MTPN: variants seen among roughly 807,000 people sequenced by gnomAD.
MTPN encodes the protein granule cell differentiation protein.
MTPN carries 2 observed loss-of-function variants against 13.5 expected under a neutral mutation model. The ratio of observed to expected loss-of-function variants is 0.15; its 90% CI spans 0.06 to 0.47. The LOEUF is 0.47. Ranked by LOEUF, MTPN falls within the 20% of genes least tolerant of loss-of-function variation. The pLI is 0.97. For missense variants in MTPN, 79 were observed against 137.9 expected (o/e 0.57, Z 2.14); for synonymous variants, 46 against 51.7 (o/e 0.89, Z 0.48).
Position 135,977,246 on chromosome 7 carries a change from C to T in MTPN, c.-146G>A. ...AAGGAGGGTTAGGCTGCCAGGCGGG[C>T]GAGGCAGTTGGCCGCGGCGACCGTT... On this transcript the variant is annotated 5_prime_UTR_variant, in exon 1 of 4. Transcript: ENST00000393085. The T allele has an allele frequency of 1.3e-6, 1 of 797,638 alleles. No individual in the cohort carries two copies. Among genetic ancestry groups the T allele is most frequent in the Non-Finnish European group, 2.1e-6 (1 of 484,160 alleles). The allele number at this position is 797,638 out of a possible 1,614,324, so 49.4% of individuals were successfully genotyped here. A position where few individuals can be genotyped will look rare whatever the true frequency, so the allele number is the denominator to read the frequency against.
chr7:135,936,604 T>C (rs1799118092), intron 3 of MTPN, among the ~76,000 whole-genome samples: 1 of 152,240 alleles, frequency 6.6e-6, no homozygotes, highest in African/African-American at 2.4e-5. Context: ...CAACAAAGCA[T>C]TTCCATTGTG....
intron 1 of MTPN, among the ~76,000 whole-genome samples, chr7:135,956,109 T>C (rs1013125317): frequency 2.0e-5 from 3 of 152,218 alleles, no homozygotes; most frequent in African/African-American, 7.2e-5. Context: ...GCTGTCTTTA[T>C]CTGCAGATCC....
intron 3 of MTPN, among the ~76,000 whole-genome samples, chr7:135,933,256 A>G (rs1056704691): frequency 2.0e-5 from 3 of 152,138 alleles, no homozygotes; most frequent in African/African-American, 7.2e-5. Context: ...TATTTGAGCT[A>G]TAACTTTAGA....
Position 135,926,948 on chromosome 7 carries a change from C to G in MTPN, c.*2978G>C, listed in dbSNP as rs189320773. ...ACAAAGCACTAGTCTTCCTCCATTA[C>G]CGCTTAGAAAGATATGATTGTTTCT... is the stretch of plus-strand genomic sequence containing the variant. On this transcript the variant is annotated 3_prime_UTR_variant, in exon 4 of 4. Transcript: ENST00000393085. 136 of 168,614 alleles carry G rather than the reference C, an allele frequency of 8.1e-4. 2 individuals are homozygous for G. The South Asian group carries it at 0.025, about 31-fold the overall frequency. The allele number at this position is 168,614 out of a possible 1,614,324, so 10.4% of individuals were successfully genotyped here.
chr7:135,962,563 T>G (rs1799541029), intron 1 of MTPN, among the ~76,000 whole-genome samples: 1 of 152,088 alleles, frequency 6.6e-6, no homozygotes, highest in Admixed American at 6.6e-5. Context: ...AGACTACCAC[T>G]GTTCACTAGA....
rs1266625453 is a variant in MTPN at position 135,928,496 on chromosome 7, C to T, written c.*1430G>A. On this transcript the variant is annotated 3_prime_UTR_variant, in exon 4 of 4. Transcript: ENST00000393085. ...TCTGAGTATCAGTCCCTAACCCACCCTCCCCTAAAAATTTGAGGTACATTC... is the reference window on the plus strand; with the variant it reads ...TCTGAGTATCAGTCCCTAACCCACCTTCCCCTAAAAATTTGAGGTACATTC... 1 of 167,018 alleles carries T rather than the reference C, an allele frequency of 6.0e-6. No individual in the cohort carries two copies. Among genetic ancestry groups the T allele is most frequent in the Non-Finnish European group, 1.5e-5 (1 of 68,106 alleles). 10.3% of individuals were successfully genotyped at this position (167,018 alleles called of 1,614,324 possible).
intron 3 of MTPN, among the ~76,000 whole-genome samples, chr7:135,946,596 C>T (rs1799292170): frequency 6.6e-6 from 1 of 152,134 alleles, no homozygotes; most frequent in Admixed American, 6.5e-5. Flanking sequence ...TTTGCAAAGG[C>T]ATGCCTTCGC....
chr7:135,932,727 G>C (rs1326086523), intron 3 of MTPN: 1 of 151,896 alleles, frequency 6.6e-6, no homozygotes, highest in East Asian at 1.9e-4. Context: ...AATGATAAAA[G>C]GTTCACAATT....
chr7:135,960,157 CA>C (rs1799500120), intron 1 of MTPN, among the ~76,000 whole-genome samples: 1 of 151,962 alleles, frequency 6.6e-6, no homozygotes, highest in African/African-American at 2.4e-5. Flanking sequence ...ACAAGTAAAC[CA>C]TTCATATAAT....
intron 3 of MTPN, among the ~76,000 whole-genome samples, chr7:135,941,185 T>C (rs550492932): frequency 5.9e-4 from 90 of 152,348 alleles, no homozygotes; most frequent in African/African-American, 2.2e-3. Flanking sequence ...ATAAATAGTG[T>C]GGCAAGTACT....
At chr7:135,935,255 T>C (rs1027119084) in intron 3 of MTPN, among the ~76,000 whole-genome samples, 1 of 152,030 alleles carries the variant, frequency 6.6e-6, no homozygotes, top group African/African-American at 2.4e-5. Context: ...TTTTTTTTTT[T>C]TGAGATGGAG....
At chr7:135,950,255 G>C (rs113570517) in intron 3 of MTPN, among the ~76,000 whole-genome samples, 91 of 152,274 alleles carry the variant, frequency 6.0e-4, no homozygotes, top group African/African-American at 1.8e-3. Flanking sequence ...CTCAAAGCAT[G>C]GTGTATGAAC....
At chr7:135,969,116 A>G (rs908740566) in intron 1 of MTPN, among the ~76,000 whole-genome samples, 2 of 135,954 alleles carry the variant, frequency 1.5e-5, no homozygotes, top group African/African-American at 5.5e-5. Context: ...GAGGGATAGC[A>G]TTGGGAGATA....
intron 3 of MTPN, among the ~76,000 whole-genome samples, chr7:135,947,288 G>T (rs1799300563): frequency 6.6e-6 from 1 of 152,044 alleles, no homozygotes; most frequent in South Asian, 2.1e-4. Flanking sequence ...CGTGGCCTTG[G>T]ATCAGCTCTT....
chr7:135,944,363 ATTATG>A (rs1799256835), intron 3 of MTPN, among the ~76,000 whole-genome samples: 1 of 152,110 alleles, frequency 6.6e-6, no homozygotes, highest in South Asian at 2.1e-4. Flanking sequence ...TATTATATGT[ATTATG>A]TTAATATTAG....
chr7:135,969,952 T>C (rs772866626), intron 1 of MTPN, among the ~76,000 whole-genome samples: 2 of 152,180 alleles, frequency 1.3e-5, no homozygotes, highest in Admixed American at 1.3e-4. Context: ...GTTGATGGTG[T>C]GAGGGAACCA....
chr7:135,936,244 G>A (rs1340696547), intron 3 of MTPN, among the ~76,000 whole-genome samples: 1 of 152,166 alleles, frequency 6.6e-6, no homozygotes, highest in Non-Finnish European at 1.5e-5. Flanking sequence ...CAACACTTTG[G>A]GAGGCCAGGG....
chr7:135,969,254 GAA>G (rs1361054424), intron 1 of MTPN, among the ~76,000 whole-genome samples: 2 of 119,082 alleles, frequency 1.7e-5, no homozygotes, highest in Admixed American at 8.2e-5. Context: ...AAAAAAAAAA[GAA>G]AAAAAAAAGA....
Position 135,977,242 on chromosome 7 carries a change from C to T in MTPN, c.-142G>A, listed in dbSNP as rs1055280. The T allele has an allele frequency of 0.019, 15,523 of 818,758 alleles. 720 individuals are homozygous for T. Among genetic ancestry groups the T allele is most frequent in the Admixed American group, 0.16 (6,929 of 44,098 alleles). 50.7% of individuals were successfully genotyped at this position (818,758 alleles called of 1,614,324 possible). On this transcript the variant is annotated 5_prime_UTR_variant, in exon 1 of 4. Coordinates refer to ENST00000393085, the MANE Select transcript of MTPN (RefSeq NM_145808.4). ...AGAGAAGGAGGGTTAGGCTGCCAGG[C>T]GGGCGAGGCAGTTGGCCGCGGCGAC... is the stretch of plus-strand genomic sequence containing the variant.
Sources: gnomAD v4.1 joint callset for allele counts (sites outside exome capture counted in the v4.1 genomes callset) on GRCh38, gnomAD v4.1.1 for gene constraint, MANE v1.5 for transcripts, NCBI Gene and HGNC (gene_info 2026-07-23, HGNC 2026-07-21) for gene names.